The following MECOM variants were observed in gnomAD, a reference collection of about 807,000 sequenced individuals.
The protein encoded by MECOM is histone-lysine N-methyltransferase MECOM.
MECOM carries 13 observed loss-of-function variants against 116.3 expected under a neutral mutation model. That is an observed-to-expected ratio of 0.11 (90% CI 0.07 to 0.18). MECOM has a LOEUF of 0.18. Ranked by LOEUF, MECOM falls within the 10% of genes least tolerant of loss-of-function variation. MECOM has a pLI of 1.00. For synonymous variants in MECOM, 528 were observed against 535.2 expected (o/e 0.99, Z 0.19); for missense variants, 1,299 against 1,509.0 (o/e 0.86, Z 2.31).
At chr3:169,505,664 A>G (rs1013124327) in intron 1 of MECOM, among the ~76,000 whole-genome samples, 2 of 152,230 alleles carry the variant, frequency 1.3e-5, no homozygotes, top group African/African-American at 4.8e-5. Context: ...CAGTCTGTCC[A>G]CTGGATCTCC....
intron 1 of MECOM, among the ~76,000 whole-genome samples, chr3:169,466,086 T>C (rs936247848): frequency 2.6e-5 from 4 of 152,078 alleles, no homozygotes; most frequent in African/African-American, 9.7e-5. Context: ...ACTTGAGATA[T>C]AACATTTGAA....
intron 2 of MECOM, among the ~76,000 whole-genome samples, chr3:169,308,410 A>C (rs1718104289): frequency 6.6e-6 from 1 of 152,226 alleles, no homozygotes; most frequent in Admixed American, 6.5e-5. Context: ...CTCTCCAAAA[A>C]AGTGAGAAGG....
At chr3:169,305,085 T>C (rs1717420682) in intron 2 of MECOM, among the ~76,000 whole-genome samples, 1 of 152,226 alleles carries the variant, frequency 6.6e-6, no homozygotes, top group South Asian at 2.1e-4. Flanking sequence ...CAATAGGTAC[T>C]GATAGGACTC....
At chr3:169,625,047 A>AG (rs1413730031) in intron 1 of MECOM, among the ~76,000 whole-genome samples, 30 of 152,102 alleles carry the variant, frequency 2.0e-4, no homozygotes, top group African/African-American at 6.0e-4. Context: ...AAAAAAAAAA[A>AG]AAGAAAGGAA....
chr3:169,642,918 C>T (rs546269535), intron 1 of MECOM, among the ~76,000 whole-genome samples: 13 of 151,998 alleles, frequency 8.6e-5, no homozygotes, highest in African/African-American at 2.4e-4. Context: ...TTTAAGGCAG[C>T]GTGAAATTAT....
At chr3:169,312,188 C>T (rs977089152) in intron 2 of MECOM, among the ~76,000 whole-genome samples, 5 of 152,114 alleles carry the variant, frequency 3.3e-5, no homozygotes, top group African/African-American at 1.2e-4. Flanking sequence ...AGCAAGGAGA[C>T]CAACCAAGTA....
At chr3:169,472,593 G>A (rs867584480) in intron 1 of MECOM, among the ~76,000 whole-genome samples, 2 of 61,518 alleles carry the variant, frequency 3.3e-5, no homozygotes, top group African/African-American at 2.3e-4. Context: ...GAAAGGAAAG[G>A]AAAGGAAAGG....
At chr3:169,551,293 AAG>A (rs2109305190) in intron 1 of MECOM, among the ~76,000 whole-genome samples, 1 of 152,246 alleles carries the variant, frequency 6.6e-6, no homozygotes, top group African/African-American at 2.4e-5. Flanking sequence ...GTACCCCATT[AAG>A]AGTCTTTCCT....
intron 1 of MECOM, among the ~76,000 whole-genome samples, chr3:169,527,308 C>T (rs1361211747): frequency 3.3e-5 from 5 of 152,246 alleles, no homozygotes; most frequent in East Asian, 1.9e-4. Flanking sequence ...AAAGTTAATT[C>T]GGAAACTTTC....
chr3:169,345,342 G>T (rs1461832156), intron 2 of MECOM, among the ~76,000 whole-genome samples: 1 of 151,898 alleles, frequency 6.6e-6, no homozygotes, highest in East Asian at 1.9e-4. Context: ...TCCAGGGATA[G>T]GAAGAAAAAA....
At chr3:169,274,376 A>G (rs572546699) in intron 2 of MECOM, among the ~76,000 whole-genome samples, 20 of 152,332 alleles carry the variant, frequency 1.3e-4, no homozygotes, top group African/African-American at 4.3e-4. Context: ...TGTAATGTAT[A>G]TCATGAACTA....
intron 2 of MECOM, among the ~76,000 whole-genome samples, chr3:169,326,411 A>G (rs1721836168): frequency 6.6e-6 from 1 of 152,222 alleles, no homozygotes; most frequent in South Asian, 2.1e-4. Context: ...CAGATTAGAC[A>G]TGTAGAATTT....
intron 2 of MECOM, among the ~76,000 whole-genome samples, chr3:169,282,082 C>T (rs1712179873): frequency 6.6e-6 from 1 of 152,124 alleles, no homozygotes; most frequent in Non-Finnish European, 1.5e-5. Context: ...TTACCATTAC[C>T]ATATTTTTTT....
Position 169,175,502 on chromosome 3 carries a change from C to T in MECOM, c.376-31670G>A, listed in dbSNP as rs545396733. 2.0e-5 allele frequency among the ~76,000 whole-genome samples: 3 copies of T among 152,102 alleles called. No homozygotes were observed. The South Asian group carries it at 6.2e-4, about 32-fold the overall frequency. ...TAAATTTTGTGTTTAGATTTGGGTCCCATCCCCAAGATATCTCATTATGTA... is the reference window on the plus strand; with the variant it reads ...TAAATTTTGTGTTTAGATTTGGGTCTCATCCCCAAGATATCTCATTATGTA... On this transcript the variant is annotated intron_variant, in intron 2 of 16. Coordinates refer to ENST00000651503, the MANE Select transcript of MECOM (RefSeq NM_004991.4).
intron 2 of MECOM, chr3:169,269,236 T>C (rs1758657760): frequency 6.6e-6 from 1 of 152,420 alleles, no homozygotes; most frequent in African/African-American, 2.4e-5. Context: ...TTTTGAATGC[T>C]CTATCTACCC....
In MECOM at chr3:169,102,266, C is replaced by T. The variant is rs1010299998; in HGVS notation, c.2605-40G>A. 5 of 1,565,882 alleles carry T rather than the reference C, an allele frequency of 3.2e-6. No individual in the cohort carries two copies. The African/African-American group carries it at 6.8e-5, about 21-fold the overall frequency. ...CACAAGACCATGAAGCGTTTGGCAT[C>T]TTGTCTTCTATAATAATCTCTGGCA... On this transcript the variant is annotated intron_variant, in intron 10 of 16. Coordinates refer to ENST00000651503, the MANE Select transcript of MECOM (RefSeq NM_004991.4).
chr3:169,158,515 ATGCCTTTTGTAC>A (rs1302027745), intron 2 of MECOM, among the ~76,000 whole-genome samples: 2 of 152,170 alleles, frequency 1.3e-5, no homozygotes, highest in Non-Finnish European at 2.9e-5. Flanking sequence ...CAGTGTTCAA[ATGCCTTTTGTAC>A]TATGAGTATC....
chr3:169,485,933 G>GTATATATATAC (rs1560340263), intron 1 of MECOM, among the ~76,000 whole-genome samples: 20 of 100,278 alleles, frequency 2.0e-4, no homozygotes, highest in African/African-American at 7.7e-4. Context: ...AGTATATATA[G>GTATATATATAC]TATATATGTA....
At chr3:169,505,000 G>C (rs1363146526) in intron 1 of MECOM, among the ~76,000 whole-genome samples, 1 of 152,132 alleles carries the variant, frequency 6.6e-6, no homozygotes, top group Non-Finnish European at 1.5e-5. Flanking sequence ...CAAAAGGTAG[G>C]GGCATGGAGA....
Sources: gnomAD v4.1 joint callset for allele counts (sites outside exome capture counted in the v4.1 genomes callset) on GRCh38, gnomAD v4.1.1 for gene constraint, MANE v1.5 for transcripts, NCBI Gene and HGNC (gene_info 2026-07-23, HGNC 2026-07-21) for gene names.